The following ABCB1 variants were observed in gnomAD, a reference collection of about 807,000 sequenced individuals.
ABCB1 encodes ATP-dependent translocase ABCB1.
In ABCB1, 69 loss-of-function variants were observed where a neutral mutation model predicts 142.0. The ratio of observed to expected loss-of-function variants is 0.49; its 90% CI spans 0.40 to 0.59. The LOEUF (loss-of-function observed/expected upper bound fraction) is 0.59. ABCB1 is among the 20% of genes least tolerant of loss of function. The pLI, the probability that ABCB1 is intolerant of heterozygous loss-of-function variation, is 0.00. For missense variants in ABCB1, 1,326 were observed against 1,554.7 expected, an observed-to-expected ratio of 0.85 and a Z score of 2.47; for synonymous variants, 532 against 539.2, an observed-to-expected ratio of 0.99 and a Z score of 0.18.
intron 3 of ABCB1, among the ~76,000 whole-genome samples, chr7:87,590,977 C>G (rs973073321): frequency 3.9e-5 from 6 of 152,134 alleles, no homozygotes; most frequent in African/African-American, 1.2e-4. Flanking sequence ...ACAGCCTGTC[C>G]AAATCCTAAT....
chr7:87,708,253 T>G (rs1170233532), intron 1 of ABCB1, among the ~76,000 whole-genome samples: 1 of 152,074 alleles, frequency 6.6e-6, no homozygotes, highest in Non-Finnish European at 1.5e-5. Context: ...AGCAAGACTA[T>G]TCAAGAAGAT....
At chr7:87,506,287 T>C in intron 26 of ABCB1, 1 of 497,690 alleles carries the variant, frequency 2.0e-6, no homozygotes, top group East Asian at 3.4e-5. Context: ...GTCAGCATTT[T>C]AATGAAGAAG....
intron 1 of ABCB1, among the ~76,000 whole-genome samples, chr7:87,626,146 ATAT>A (rs1820464941): frequency 2.8e-5 from 4 of 141,328 alleles, no homozygotes; most frequent in Non-Finnish European, 6.1e-5. Context: ...TGTGTCATAT[ATAT>A]TGTCATATAT....
intron 1 of ABCB1, among the ~76,000 whole-genome samples, chr7:87,645,081 C>CTTTT (rs551936794): frequency 2.3e-4 from 30 of 128,068 alleles, no homozygotes; most frequent in East Asian, 6.6e-4. Context: ...TGCTTTCTTT[C>CTTTT]TTTTTTTTTT....
chr7:87,590,415 A>G (rs1004716511), intron 3 of ABCB1, among the ~76,000 whole-genome samples: 1 of 152,226 alleles, frequency 6.6e-6, no homozygotes, highest in African/African-American at 2.4e-5. Flanking sequence ...GAAATCAGAC[A>G]GTGATAAATA....
intron 1 of ABCB1, among the ~76,000 whole-genome samples, chr7:87,703,885 C>CTTTT: frequency 1.7e-4 from 10 of 60,292 alleles, no homozygotes; most frequent in Non-Finnish European, 2.5e-4. Context: ...TCAGTTTTTT[C>CTTTT]TTTTTTTTTT....
chr7:87,514,764 T>C (rs978522938), intron 25 of ABCB1, among the ~76,000 whole-genome samples: 3 of 152,214 alleles, frequency 2.0e-5, no homozygotes, highest in African/African-American at 7.2e-5. Context: ...ACTAAGAATA[T>C]TTTAAAATGT....
At chr7:87,707,169 C>T (rs1361000739) in intron 1 of ABCB1, among the ~76,000 whole-genome samples, 2 of 152,020 alleles carry the variant, frequency 1.3e-5, no homozygotes, top group East Asian at 1.9e-4. Flanking sequence ...AATTTTCATA[C>T]AGAATGTCTA....
intron 1 of ABCB1, among the ~76,000 whole-genome samples, chr7:87,671,896 C>G (rs542641930): frequency 6.6e-6 from 1 of 152,274 alleles, no homozygotes; most frequent in East Asian, 1.9e-4. Context: ...ATTCAGCTCT[C>G]TGTTGGCTGG....
intron 3 of ABCB1, among the ~76,000 whole-genome samples, chr7:87,591,947 C>A (rs920819164): frequency 6.6e-6 from 1 of 152,006 alleles, no homozygotes; most frequent in Admixed American, 6.6e-5. Flanking sequence ...ATCAGCAAAC[C>A]GTGACATAAC....
intron 24 of ABCB1, among the ~76,000 whole-genome samples, 177 bp downstream of exon 24, chr7:87,516,332 C>T (rs1213289225): frequency 1.3e-5 from 2 of 152,056 alleles, no homozygotes; most frequent in Non-Finnish European, 2.9e-5. Flanking sequence ...ACCTTTGCTA[C>T]GTAAAAGTAC....
intron 4 of ABCB1, among the ~76,000 whole-genome samples, chr7:87,577,633 T>C (rs979923872): frequency 3.9e-5 from 6 of 152,174 alleles, no homozygotes; most frequent in Non-Finnish European, 8.8e-5. Context: ...TGGGGTGAAA[T>C]GATATCGCAT....
chr7:87,690,512 G>A (rs1177179087), intron 1 of ABCB1, among the ~76,000 whole-genome samples: 1 of 152,042 alleles, frequency 6.6e-6, no homozygotes, highest in Non-Finnish European at 1.5e-5. Flanking sequence ...TTTTAAAGCA[G>A]TATTTTTAAA....
chr7:87,603,330 C>T (rs760089471), upstream of ABCB1, among the ~76,000 whole-genome samples: 2 of 152,100 alleles, frequency 1.3e-5, no homozygotes, highest in African/African-American at 4.8e-5. Flanking sequence ...CATTATTTGC[C>T]CAGTCACACA....
chr7:87,610,476 C>G (rs951517245), intron 1 of ABCB1, among the ~76,000 whole-genome samples: 1 of 144,224 alleles, frequency 6.9e-6, no homozygotes, highest in African/African-American at 2.6e-5. Context: ...TCTGGCAATC[C>G]TCTTTCAAGT....
chr7:87,706,521 A>G (rs1205678239), intron 1 of ABCB1, among the ~76,000 whole-genome samples: 1 of 152,210 alleles, frequency 6.6e-6, no homozygotes, highest in Admixed American at 6.5e-5. Flanking sequence ...TAAAAGTTGA[A>G]TAAAATATGT....
intron 5 of ABCB1, among the ~76,000 whole-genome samples, chr7:87,567,671 C>T (rs981709227): frequency 4.6e-5 from 7 of 152,054 alleles, no homozygotes; most frequent in East Asian, 1.9e-4. Flanking sequence ...AAATGCTTAA[C>T]GAATCAAATA....
intron 1 of ABCB1, among the ~76,000 whole-genome samples, chr7:87,672,430 C>T (rs777442898): frequency 2.6e-5 from 4 of 152,134 alleles, no homozygotes; most frequent in Admixed American, 2.0e-4. Context: ...GTGCTGCTAC[C>T]GGTGGCTGGG....
At chr7:87,523,920 C>G (rs1017287697) in intron 21 of ABCB1, among the ~76,000 whole-genome samples, 4 of 152,112 alleles carry the variant, frequency 2.6e-5, no homozygotes, top group Non-Finnish European at 5.9e-5. Flanking sequence ...TATAAGTCAC[C>G]AAGAGAAATG....
Sources: gnomAD v4.1 joint callset for allele counts (sites outside exome capture counted in the v4.1 genomes callset) on GRCh38, gnomAD v4.1.1 for gene constraint, MANE v1.5 for transcripts, NCBI Gene and HGNC (gene_info 2026-07-23, HGNC 2026-07-21) for gene names.